The following PROX1 variants were observed in gnomAD, a reference collection of about 807,000 sequenced individuals.
The protein encoded by PROX1 is prospero homeobox 1.
In PROX1, 7 loss-of-function variants were observed where a neutral mutation model predicts 58.8. The ratio of observed to expected loss-of-function variants is 0.12; its 90% CI spans 0.07 to 0.22. PROX1 has a LOEUF of 0.22. Among genes scored for constraint, PROX1 ranks in the 10% least tolerant of loss-of-function variants. The probability of loss-of-function intolerance (pLI) is 1.00; values close to 1 mark genes in which losing one functional copy is unlikely to be tolerated. For missense variants in PROX1, 675 were observed against 927.8 expected (o/e 0.73, Z 3.54); for synonymous variants, 350 against 358.3 (o/e 0.98, Z 0.26).
intron 3 of PROX1, among the ~76,000 whole-genome samples, chr1:214,010,717 C>T (rs1379184265): frequency 1.3e-5 from 2 of 152,128 alleles, no homozygotes; most frequent in Non-Finnish European, 2.9e-5. Flanking sequence ...CCTTGGTAAA[C>T]AAAGTTTTAA....
intron 4 of PROX1, among the ~76,000 whole-genome samples, chr1:214,032,584 C>T (rs111849974): frequency 4.7e-4 from 72 of 151,964 alleles, no homozygotes; most frequent in Middle Eastern, 3.4e-3. Context: ...TTGGTAGAGA[C>T]GGGGTTTCAT....
At position 214,028,492 on chromosome 1, in the gene PROX1, A is replaced by G. The variant is rs11120241; in HGVS notation, c.2029-7157A>G. Among the ~76,000 whole-genome samples the G allele has an allele frequency of 5.3e-3, 811 of 152,262 alleles. 7 individuals carry two copies. The highest frequency in any genetic ancestry group is 0.019 in the African/African-American group (774 of 41,558). On this transcript the variant is annotated intron_variant, in intron 4 of 4. Coordinates refer to ENST00000366958, the MANE Select transcript of PROX1 (RefSeq NM_001270616.2). Reference sequence around the variant, plus strand: ...AGGGAACACAAAGCAACTTTTCTCAACCGGTTGACTCAGCCAACAAACTCA... The same window carrying G: ...AGGGAACACAAAGCAACTTTTCTCAGCCGGTTGACTCAGCCAACAAACTCA...
At chr1:214,028,961 C>T (rs1000563126) in intron 4 of PROX1, 1 of 152,216 alleles carries the variant, frequency 6.6e-6, no homozygotes, top group South Asian at 2.1e-4. Context: ...CGTATCTGTT[C>T]TTGGCTTTTC....
At chr1:214,011,443 A>C in intron 3 of PROX1, 78 bp from the exon 4 acceptor site, 1 of 1,361,782 alleles carries the variant, frequency 7.3e-7, no homozygotes, top group African/African-American at 1.5e-5. Context: ...GGGAACATTA[A>C]AAATGCTTCA....
chr1:214,015,669 G>A (rs1342399669), intron 4 of PROX1, among the ~76,000 whole-genome samples: 2 of 152,074 alleles, frequency 1.3e-5, no homozygotes, highest in East Asian at 3.9e-4. Flanking sequence ...ACAACGTAAG[G>A]AGCCAAAAGA....
At position 213,996,897 on chromosome 1, in the gene PROX1, C is replaced by T. The variant is rs1222008558; in HGVS notation, c.362C>T (p.Ser121Phe). ...FQASGLSSTG[S>F]EVHQEDICSN... Reference sequence around the variant, plus strand: ...GCCAGCGGTCTCTCTAGTACAGGCTCCGAAGTACATCAGGAGGATATATGC... The same window carrying T: ...GCCAGCGGTCTCTCTAGTACAGGCTTCGAAGTACATCAGGAGGATATATGC... Residue 121 changes from serine (S) to phenylalanine (F), a missense_variant, in exon 2 of 5, where the codon TCC (serine) becomes TTC (phenylalanine). By Grantham distance (155) the Ser-to-Phe change is radical. Transcript: ENST00000366958. 1 of 1,614,086 alleles carries T rather than the reference C, an allele frequency of 6.2e-7. No homozygotes were observed. The highest frequency in any genetic ancestry group is 2.2e-5 in the East Asian group (1 of 44,870).
intron 4 of PROX1, among the ~76,000 whole-genome samples, chr1:214,035,109 A>G (rs1353123082): frequency 6.6e-6 from 1 of 152,184 alleles, no homozygotes; most frequent in East Asian, 1.9e-4. Context: ...TATATTGCAG[A>G]TTAATATACA....
chr1:213,999,939 G>T (rs1663432720), intron 2 of PROX1, among the ~76,000 whole-genome samples: 1 of 152,062 alleles, frequency 6.6e-6, no homozygotes, highest in South Asian at 2.1e-4. Context: ...TTCATGTAAG[G>T]CTAATGTCTA....
chr1:213,984,301 T>C (rs1336576402), upstream of PROX1: 1 of 152,234 alleles, frequency 6.6e-6, no homozygotes, highest in Non-Finnish European at 1.5e-5. Context: ...AATTCTGCGC[T>C]CCTTAAAGCA....
intron 1 of PROX1, among the ~76,000 whole-genome samples, chr1:213,992,957 A>G (rs1663089891): frequency 6.6e-6 from 1 of 152,174 alleles, no homozygotes; most frequent in Non-Finnish European, 1.5e-5. Context: ...TGTTAAAGAG[A>G]ATGTCAGATA....
intron 4 of PROX1, among the ~76,000 whole-genome samples, chr1:214,021,914 T>A (rs944872097): frequency 1.3e-5 from 2 of 152,186 alleles, no homozygotes; most frequent in Non-Finnish European, 2.9e-5. Flanking sequence ...GTATTTGACA[T>A]CATGAGGAGA....
intron 3 of PROX1, among the ~76,000 whole-genome samples, chr1:214,005,943 CGT>C (rs369421627): frequency 0.027 from 4,037 of 147,284 alleles, 185 homozygotes; most frequent in African/African-American, 0.089. Flanking sequence ...TGTGTGTATG[CGT>C]GTGTGTGTGT....
intron 1 of PROX1, among the ~76,000 whole-genome samples, chr1:213,994,922 T>C (rs1663200742): frequency 6.6e-6 from 1 of 151,512 alleles, no homozygotes; most frequent in African/African-American, 2.4e-5. Context: ...TAAAAAAATA[T>C]ACATATTGTT....
chr1:214,013,867 G>A (rs968448157), intron 4 of PROX1, among the ~76,000 whole-genome samples: 3 of 152,070 alleles, frequency 2.0e-5, no homozygotes, highest in Non-Finnish European at 2.9e-5. Context: ...ATGTGACTTC[G>A]GACAGTTATT....
intron 2 of PROX1, among the ~76,000 whole-genome samples, chr1:214,002,218 T>A (rs1054530837): frequency 1.3e-5 from 2 of 152,140 alleles, no homozygotes; most frequent in South Asian, 4.1e-4. Flanking sequence ...CTGCCTCCGC[T>A]GCTCCTCCCG....
At chr1:214,017,956 A>G (rs1664152817) in intron 4 of PROX1, among the ~76,000 whole-genome samples, 1 of 152,218 alleles carries the variant, frequency 6.6e-6, no homozygotes. Context: ...AATGGGAGAA[A>G]GAGAGCAAGT....
In PROX1 at chr1:214,035,892, A is replaced by G; in HGVS notation, c.*58A>G. On this transcript the variant is annotated 3_prime_UTR_variant, in exon 5 of 5. Transcript: ENST00000366958. ...AGTAGCAGTCCCCTTTGGATGTCCAAGTTATATGTGTCTAGATTTTGATTT... is the reference window on the plus strand; with the variant it reads ...AGTAGCAGTCCCCTTTGGATGTCCAGGTTATATGTGTCTAGATTTTGATTT... 2 of 1,456,496 alleles carry G rather than the reference A, an allele frequency of 1.4e-6. No individual in the cohort carries two copies. The highest frequency in any genetic ancestry group is 1.4e-5 in the African/African-American group (1 of 70,560). The allele number at this position is 1,456,496 out of a possible 1,614,324, so 90.2% of individuals were successfully genotyped here.
intron 1 of PROX1, among the ~76,000 whole-genome samples, chr1:213,992,862 T>G (rs1161582579): frequency 2.0e-5 from 3 of 152,206 alleles, no homozygotes; most frequent in Non-Finnish European, 2.9e-5. Context: ...CACTTTATAC[T>G]TCACGCTGCA....
chr1:214,031,298 G>A (rs1664648521), intron 4 of PROX1, among the ~76,000 whole-genome samples: 1 of 152,088 alleles, frequency 6.6e-6, no homozygotes, highest in Non-Finnish European at 1.5e-5. Context: ...AAATATCAAG[G>A]CAAGACCATC....
Sources: gnomAD v4.1 joint callset for allele counts (sites outside exome capture counted in the v4.1 genomes callset) on GRCh38, gnomAD v4.1.1 for gene constraint, MANE v1.5 for transcripts, NCBI Gene and HGNC (gene_info 2026-07-23, HGNC 2026-07-21) for gene names.